The following IL1RAPL2 variants were observed in gnomAD, a reference collection of about 807,000 sequenced individuals.
The protein encoded by IL1RAPL2 is interleukin 1 receptor accessory protein like 2, also known as X-linked interleukin-1 receptor accessory protein-like 2.
In IL1RAPL2, 3 loss-of-function variants were observed where a neutral mutation model predicts 44.1. The ratio of observed to expected loss-of-function variants is 0.07; its 90% CI spans 0.03 to 0.18. The LOEUF (loss-of-function observed/expected upper bound fraction) is 0.18. IL1RAPL2 is among the 10% of genes least tolerant of loss of function. IL1RAPL2 has a pLI of 1.00. For synonymous variants in IL1RAPL2, 181 were observed against 178.8 expected (o/e 1.01, Z -0.10); for missense variants, 391 against 496.4 (o/e 0.79, Z 2.02).
intron 2 of IL1RAPL2, among the ~76,000 whole-genome samples, chrX:104,774,708 G>A (rs1413976924): frequency 8.9e-6 from 1 of 111,868 alleles, no homozygotes; most frequent in Non-Finnish European, 1.9e-5. Flanking sequence ...TGGTGGGATC[G>A]AGGCTGCAAA....
intron 1 of IL1RAPL2, among the ~76,000 whole-genome samples, chrX:104,619,521 A>T (rs771999182): frequency 8.9e-6 from 1 of 111,932 alleles, no homozygotes; most frequent in Admixed American, 9.5e-5. Context: ...TGTTCTCCAC[A>T]GGACCAGGGA....
chrX:105,720,328 C>A (rs752703278), intron 7 of IL1RAPL2, among the ~76,000 whole-genome samples: 8 of 110,104 alleles, frequency 7.3e-5, no homozygotes, highest in South Asian at 3.8e-4. Flanking sequence ...ATATTAATCA[C>A]CCCCATGTTT....
chrX:104,737,229 G>A (rs139175198), intron 2 of IL1RAPL2, among the ~76,000 whole-genome samples: 59 of 112,386 alleles, frequency 5.2e-4, no homozygotes, highest in African/African-American at 1.9e-3. Flanking sequence ...CAGCAAAAGA[G>A]CATTCTAACA....
intron 6 of IL1RAPL2, among the ~76,000 whole-genome samples, chrX:105,571,560 C>T (rs1186752390): frequency 9.0e-6 from 1 of 110,819 alleles, no homozygotes; most frequent in African/African-American, 3.3e-5. Flanking sequence ...CTCCACTGTC[C>T]TCTGTTGCCC....
chrX:105,594,142 C>T (rs767169686), intron 6 of IL1RAPL2, among the ~76,000 whole-genome samples: 32 of 111,690 alleles, frequency 2.9e-4, no homozygotes, highest in Middle Eastern at 9.3e-3. Context: ...ATATTTACCT[C>T]TTTGTTGTTT....
chrX:105,070,144 T>G (rs2032187337), intron 2 of IL1RAPL2, among the ~76,000 whole-genome samples: 1 of 111,846 alleles, frequency 8.9e-6, no homozygotes. Context: ...AATCTGCTAC[T>G]CTGCCTCTGG....
At chrX:105,511,803 C>T (rs934901708) in intron 6 of IL1RAPL2, among the ~76,000 whole-genome samples, 1 of 111,552 alleles carries the variant, frequency 9.0e-6, no homozygotes, top group Non-Finnish European at 1.9e-5. Flanking sequence ...AAATAAACAC[C>T]AAGTGGATGA....
intron 5 of IL1RAPL2, among the ~76,000 whole-genome samples, chrX:105,442,012 A>G (rs2035923461): frequency 9.0e-6 from 1 of 110,703 alleles, no homozygotes; most frequent in African/African-American, 3.3e-5. Context: ...AACTACAAAA[A>G]GGCTCATTAT....
chrX:105,282,307 T>C (rs1044359948), intron 5 of IL1RAPL2, among the ~76,000 whole-genome samples: 9 of 112,272 alleles, frequency 8.0e-5, no homozygotes, highest in Admixed American at 2.8e-4. Context: ...TAATCCCTGG[T>C]GGTTTATAAA....
chrX:105,237,246 T>C (rs5962483), intron 4 of IL1RAPL2, among the ~76,000 whole-genome samples: 18,729 of 111,715 alleles, frequency 0.17, 3,153 homozygotes, highest in African/African-American at 0.52. Context: ...TCTATCATTG[T>C]TGGACATTTG....
chrX:105,688,369 C>A (rs1277526984), intron 6 of IL1RAPL2, among the ~76,000 whole-genome samples: 1 of 112,042 alleles, frequency 8.9e-6, no homozygotes, highest in Admixed American at 9.5e-5. Context: ...GCAACTTCAG[C>A]AAAGTCTCAG....
At chrX:104,763,395 T>C (rs1455965220) in intron 2 of IL1RAPL2, among the ~76,000 whole-genome samples, 1 of 112,091 alleles carries the variant, frequency 8.9e-6, no homozygotes, top group Non-Finnish European at 1.9e-5. Context: ...TCCAAGTCTC[T>C]AGGAAGTTCA....
intron 5 of IL1RAPL2, among the ~76,000 whole-genome samples, chrX:105,453,216 A>G (rs1401243518): frequency 6.3e-5 from 7 of 111,979 alleles, no homozygotes; most frequent in Non-Finnish European, 7.5e-5. Context: ...CATTGACACA[A>G]CAGCACACAC....
chrX:105,516,796 A>G (rs959201966), intron 6 of IL1RAPL2, among the ~76,000 whole-genome samples: 5 of 111,867 alleles, frequency 4.5e-5, no homozygotes, highest in African/African-American at 1.3e-4. Flanking sequence ...TAAATTTCAT[A>G]GACGTTTTTT....
At chrX:104,816,478 T>G (rs947348555) in intron 2 of IL1RAPL2, among the ~76,000 whole-genome samples, 6 of 112,114 alleles carry the variant, frequency 5.4e-5, no homozygotes, top group Non-Finnish European at 1.1e-4. Context: ...TGATTAGTCC[T>G]TCCTTCCTTC....
intron 2 of IL1RAPL2, among the ~76,000 whole-genome samples, chrX:104,712,672 T>G (rs1435710942): frequency 9.0e-6 from 1 of 110,787 alleles, no homozygotes; most frequent in African/African-American, 3.3e-5. Flanking sequence ...GAACGAACAT[T>G]TAAAACATTA....
intron 2 of IL1RAPL2, among the ~76,000 whole-genome samples, chrX:105,033,477 T>G (rs2031554722): frequency 9.0e-6 from 1 of 111,531 alleles, no homozygotes; most frequent in Non-Finnish European, 1.9e-5. Flanking sequence ...TTTCCTTCAC[T>G]TATGAAGCTT....
At chrX:105,344,453 A>T (rs891371309) in intron 5 of IL1RAPL2, among the ~76,000 whole-genome samples, 23 of 111,373 alleles carry the variant, frequency 2.1e-4, no homozygotes, top group African/African-American at 7.2e-4. Flanking sequence ...GAGGATTAAT[A>T]AATTAATCCA....
At chrX:105,716,156 GA>G (rs111905364) in intron 6 of IL1RAPL2, among the ~76,000 whole-genome samples, 4,720 of 108,136 alleles carry the variant, frequency 0.044, 267 homozygotes, top group African/African-American at 0.15. Context: ...TGACACAATG[GA>G]AAAAAAAACT....
Sources: allele counts gnomAD v4.1 joint callset (sites outside exome capture counted in the v4.1 genomes callset), GRCh38; gene constraint gnomAD v4.1.1; transcripts MANE v1.5; gene names NCBI Gene and HGNC (gene_info 2026-07-23, HGNC 2026-07-21).